The following MUC22 variants were observed in gnomAD, a reference collection of about 807,000 sequenced individuals.
The protein encoded by MUC22 is mucin 22.
A neutral mutation model predicts 40.3 loss-of-function variants in MUC22; 24 were observed. That is an observed-to-expected ratio of 0.60 (90% CI 0.43 to 0.84). The LOEUF (loss-of-function observed/expected upper bound fraction) is 0.84, where lower values mean the gene tolerates loss of function less well. MUC22 is among the 40% of genes least tolerant of loss of function. MUC22 has a pLI of 0.00. For missense variants in MUC22, 1,926 were observed against 2,130.7 expected (o/e 0.90, Z 1.89); for synonymous variants, 765 against 844.5 (o/e 0.91, Z 1.63).
chr6:31,016,132 C>CTTTTTTTTTTTTTTTTTTTTTTT (rs28993413), intron 1 of MUC22, among the ~76,000 whole-genome samples: 1 of 139,574 alleles, frequency 7.2e-6, no homozygotes, highest in Non-Finnish European at 1.5e-5. Flanking sequence ...GCATCTCTTA[C>CTTTTTTTTTTTTTTTTTTTTTTT]TTTTTTTTTT....
rs1765510856 is a variant in MUC22, at chr6:31,027,419, C to CAG, written c.1992_1993dup (p.Thr665ArgfsTer12). The CAG allele has an allele frequency of 6.5e-7, 1 of 1,532,464 alleles. No individual in the cohort carries two copies. The highest frequency in any genetic ancestry group is 2.0e-5 in the Admixed American group (1 of 50,856). The allele number at this position is 1,532,464 out of a possible 1,614,324, so 94.9% of individuals were successfully genotyped here. The stretch of plus-strand genomic sequence containing the variant: ...ACCACTACAGTTTCTATCACAGACT[C>CAG]AGAGACCACCACCACCTGTACTGAA... On this transcript the variant is annotated frameshift_variant, in exon 2 of 4. Coordinates refer to ENST00000561890, the Ensembl canonical transcript of MUC22. LOFTEE classifies it high-confidence loss of function.
At chr6:31,024,126 T>C (rs974747374) in intron 1 of MUC22, among the ~76,000 whole-genome samples, 1 of 150,900 alleles carries the variant, frequency 6.6e-6, no homozygotes, top group Non-Finnish European at 1.5e-5. Flanking sequence ...AATTGACCTG[T>C]AATCTTCAAA....
chr6:31,014,383 G>A (rs12528670), intron 1 of MUC22, among the ~76,000 whole-genome samples: 9,222 of 128,902 alleles, frequency 0.072, 348 homozygotes, highest in South Asian at 0.15. Context: ...TCCAACCAGA[G>A]CAATCCCATT....
At chr6:31,025,775 C>G in exon 2 of MUC22, 3 of 1,532,676 alleles carry the variant, frequency 2.0e-6, no homozygotes, top group Non-Finnish European at 2.6e-6. Flanking sequence ...ACCACAGGCT[C>G]TGACACAACC....
chr6:31,026,356 A>G lies in MUC22; in HGVS notation c.925A>G (p.Ile309Val), dbSNP rs1398660402. Reference sequence around the variant, plus strand: ...CTCCCCCACAGGCTCTCAGACCACCATAGTCTCTATTTCAGGTTCTGAGAT... The same window carrying G: ...CTCCCCCACAGGCTCTCAGACCACCGTAGTCTCTATTTCAGGTTCTGAGAT... Residue 309 changes from isoleucine (I) to valine (V), a missense_variant, in exon 2 of 4, where the codon ATA (isoleucine) becomes GTA (valine). By Grantham distance (29) the Ile-to-Val change is conservative. Transcript: ENST00000561890. 7 of 1,507,236 alleles carry G rather than the reference A, an allele frequency of 4.6e-6. 2 individuals are homozygous for G. The highest frequency in any genetic ancestry group is 2.0e-5 in the Admixed American group (1 of 49,016). The allele number at this position is 1,507,236 out of a possible 1,614,324, so 93.4% of individuals were successfully genotyped here. A position where few individuals can be genotyped will look rare whatever the true frequency, so the allele number is the denominator to read the frequency against.
exon 2 of MUC22, chr6:31,027,548 C>G: frequency 6.5e-7 from 1 of 1,528,616 alleles, no homozygotes; most frequent in Non-Finnish European, 8.7e-7. Context: ...TCTGAGACCA[C>G]CACAGCTTCT....
intron 1 of MUC22, among the ~76,000 whole-genome samples, chr6:31,020,857 G>A (rs1260095325): frequency 6.6e-6 from 1 of 152,244 alleles, no homozygotes; most frequent in South Asian, 2.1e-4. Flanking sequence ...GAGGGGCTTA[G>A]CACCCGGGCC....
rs759942062 is a variant in MUC22 at position 31,032,188 on chromosome 6, T to C, written c.4670-8T>C. On this transcript the variant is annotated splice_polypyrimidine_tract_variant and splice_region_variant and intron_variant, in intron 2 of 3. Transcript: ENST00000561890. The surrounding 1 kb of genome is among the most constrained non-coding windows in gnomAD (Gnocchi z 4.1). ...CAAATGCATCATCTTGTGTGACCTG[T>C]TTCATAGGCACCAGAACCACTGGAA... is the stretch of plus-strand genomic sequence containing the variant. 1 of 1,529,644 alleles carries C rather than the reference T, an allele frequency of 6.5e-7. No homozygotes were observed. The highest frequency in any genetic ancestry group is 1.2e-5 in the South Asian group (1 of 82,860). The allele number at this position is 1,529,644 out of a possible 1,614,324, so 94.8% of individuals were successfully genotyped here.
chr6:31,027,739 G>C (rs1360460170), exon 2 of MUC22: 1 of 1,516,218 alleles, frequency 6.6e-7, no homozygotes, highest in African/African-American at 1.5e-5. Flanking sequence ...TGCAGTCTCT[G>C]CCACAGGCTC....
rs1167613686 is a variant in MUC22 at position 31,027,971 on chromosome 6, C to T, written c.2540C>T (p.Thr847Ile). Residue 847 changes from threonine (T) to isoleucine (I), a missense_variant, in exon 2 of 4, where the codon ACA (threonine) becomes ATA (isoleucine). Physicochemically the swap from Thr to Ile is moderately conservative, Grantham distance 89. Transcript: ENST00000561890. ...TCCACTGCAGGCTCTGAGACCACCACAGTCTCTACTGCAGATTCTGAGAAC... is the reference window on the plus strand; with the variant it reads ...TCCACTGCAGGCTCTGAGACCACCATAGTCTCTACTGCAGATTCTGAGAAC... 14 of 1,534,608 alleles carry T rather than the reference C, an allele frequency of 9.1e-6. No homozygotes were observed. The highest frequency in any genetic ancestry group is 1.2e-5 in the Non-Finnish European group (14 of 1,146,644).
exon 2 of MUC22, chr6:31,028,822 A>G (rs1232760847): frequency 2.0e-6 from 3 of 1,515,136 alleles, no homozygotes; most frequent in Non-Finnish European, 2.6e-6. Context: ...AGCCACTACC[A>G]TAGGCTCTGA....
exon 2 of MUC22, chr6:31,025,764 C>T (rs1319126051): frequency 6.5e-7 from 1 of 1,531,476 alleles, no homozygotes; most frequent in African/African-American, 1.4e-5. Flanking sequence ...CTAGGACCTT[C>T]ACCACAGGCT....
chr6:31,034,413 G>C (rs1479863248), intron 3 of MUC22, among the ~76,000 whole-genome samples: 1 of 152,204 alleles, frequency 6.6e-6, no homozygotes, highest in Non-Finnish European at 1.5e-5. Flanking sequence ...GATCTGCAGA[G>C]CTAGGGCCTG....
intron 1 of MUC22, among the ~76,000 whole-genome samples, chr6:31,016,071 T>TG (rs1429123965): frequency 1.8e-5 from 2 of 113,758 alleles, no homozygotes; most frequent in Non-Finnish European, 3.7e-5. Flanking sequence ...AATTTTGAGG[T>TG]TTTTTTTTTT....
At chr6:31,022,242 A>G (rs9380210) in intron 1 of MUC22, among the ~76,000 whole-genome samples, 45,280 of 151,996 alleles carry the variant, frequency 0.3, 7,109 homozygotes, top group East Asian at 0.49. Context: ...CACCAATTCC[A>G]GACACACTGG....
chr6:31,029,089 A>G (rs919223119), exon 2 of MUC22: 11 of 1,534,658 alleles, frequency 7.2e-6, no homozygotes, highest in Non-Finnish European at 8.7e-6. Context: ...TACAGTCACT[A>G]CTATGGGCTC....
At chr6:31,010,267 C>T (rs1210652789), upstream of MUC22, among the ~76,000 whole-genome samples, 1 of 152,116 alleles carries the variant, frequency 6.6e-6, no homozygotes, top group Non-Finnish European at 1.5e-5. Context: ...CTCATTCTGC[C>T]TCCCTCCCTG....
intron 1 of MUC22, among the ~76,000 whole-genome samples, chr6:31,024,716 A>G (rs1409829183): frequency 1.3e-5 from 2 of 152,216 alleles, no homozygotes; most frequent in East Asian, 3.9e-4. Context: ...AGGTCTCTCT[A>G]CCGCCTCGTT....
At chr6:31,017,690 T>C (rs918060719) in intron 1 of MUC22, among the ~76,000 whole-genome samples, 5 of 152,192 alleles carry the variant, frequency 3.3e-5, no homozygotes, top group African/African-American at 4.8e-5. Flanking sequence ...AGCTCAGGGA[T>C]TGTAAACACA....
Sources: gnomAD v4.1 joint callset for allele counts (sites outside exome capture counted in the v4.1 genomes callset) on GRCh38, gnomAD v4.1.1 for gene constraint, Gnocchi (gnomAD v3.1) non-coding constraint, MANE v1.5 for transcripts, NCBI Gene and HGNC (gene_info 2026-07-23, HGNC 2026-07-21) for gene names.